MSI2: variants seen among roughly 807,000 people sequenced by gnomAD.
MSI2 encodes RNA-binding protein Musashi homolog 2.
A neutral mutation model predicts 45.6 loss-of-function variants in MSI2; 17 were observed. The observed-to-expected ratio is 0.37, with a 90% CI of 0.26 to 0.56. The LOEUF (loss-of-function observed/expected upper bound fraction) is 0.56, where lower values mean the gene tolerates loss of function less well. MSI2 is among the 20% of genes least tolerant of loss of function. The pLI, the probability that MSI2 is intolerant of heterozygous loss-of-function variation, is 0.77. For synonymous variants in MSI2, 156 were observed against 158.2 expected, an observed-to-expected ratio of 0.99 and a Z score of 0.11; for missense variants, 293 against 444.2, an observed-to-expected ratio of 0.66 and a Z score of 3.06.
intron 4 of MSI2, among the ~76,000 whole-genome samples, chr17:57,259,251 G>C (rs1311092838): frequency 2.0e-5 from 3 of 152,110 alleles, no homozygotes. Flanking sequence ...AGATGACATT[G>C]GGCTGTAGTG....
At chr17:57,592,012 A>G (rs1272581289) in intron 7 of MSI2, among the ~76,000 whole-genome samples, 1 of 151,932 alleles carries the variant, frequency 6.6e-6, no homozygotes, top group Non-Finnish European at 1.5e-5. Flanking sequence ...GTCTCTACTA[A>G]AAATACAAAA....
intron 7 of MSI2, among the ~76,000 whole-genome samples, chr17:57,541,724 A>G (rs998667528): frequency 9.2e-5 from 14 of 152,156 alleles, no homozygotes; most frequent in African/African-American, 3.4e-4. Flanking sequence ...TGCTTCTCTT[A>G]ATCCCCTGGT....
At chr17:57,340,839 A>G (rs1203588286) in intron 5 of MSI2, among the ~76,000 whole-genome samples, 1 of 152,136 alleles carries the variant, frequency 6.6e-6, no homozygotes, top group African/African-American at 2.4e-5. Context: ...AGCGCATCTG[A>G]GCCCAGCAGC....
intron 6 of MSI2, among the ~76,000 whole-genome samples, chr17:57,456,843 A>C (rs1198027573): frequency 6.6e-6 from 1 of 152,166 alleles, no homozygotes; most frequent in Non-Finnish European, 1.5e-5. Flanking sequence ...CAACCATTTA[A>C]GTATCCTTGG....
intron 5 of MSI2, among the ~76,000 whole-genome samples, chr17:57,310,712 C>G (rs1912324967): frequency 6.6e-6 from 1 of 152,132 alleles, no homozygotes; most frequent in Non-Finnish European, 1.5e-5. Flanking sequence ...TTCATTGGGC[C>G]TCAGTTTACC....
intron 7 of MSI2, among the ~76,000 whole-genome samples, chr17:57,563,924 G>A (rs1004965373): frequency 6.6e-6 from 1 of 152,112 alleles, no homozygotes; most frequent in African/African-American, 2.4e-5. Flanking sequence ...CCATTGTCTG[G>A]CCTGTTACAC....
chr17:57,615,849 A>T (rs1266178702), intron 8 of MSI2, 121 bp from the exon 9 acceptor site: 5 of 718,256 alleles, frequency 7.0e-6, no homozygotes, highest in Non-Finnish European at 1.2e-5. Flanking sequence ...CGGCATGGCT[A>T]TTTTTACAGT....
chr17:57,438,659 T>A (rs2084736434), intron 6 of MSI2, among the ~76,000 whole-genome samples: 1 of 152,072 alleles, frequency 6.6e-6, no homozygotes, highest in African/African-American at 2.4e-5. Flanking sequence ...CTCTAAGGAA[T>A]TTTTAAAAAT....
At chr17:57,590,658 C>T (rs542469628) in intron 7 of MSI2, among the ~76,000 whole-genome samples, 4 of 152,314 alleles carry the variant, frequency 2.6e-5, no homozygotes, top group African/African-American at 7.2e-5. Context: ...TTAGGGTTAA[C>T]CTTCCCACCA....
chr17:57,469,852 A>G (rs2085400123), intron 6 of MSI2, among the ~76,000 whole-genome samples: 2 of 152,180 alleles, frequency 1.3e-5, no homozygotes, highest in Admixed American at 1.3e-4. Flanking sequence ...TAGCCCTGGG[A>G]TAAAATCCAG....
At chr17:57,676,470 A>G (rs952610853) in intron 12 of MSI2, among the ~76,000 whole-genome samples, 3 of 152,198 alleles carry the variant, frequency 2.0e-5, no homozygotes, top group African/African-American at 7.2e-5. Flanking sequence ...GGGACCGTCT[A>G]TCACCACTTA....
rs1913282939 is a variant in MSI2, at chr17:57,677,066, C to A, written c.*31+7C>A. On this transcript the variant is annotated splice_region_variant and intron_variant, in intron 13 of 13. Transcript: ENST00000284073. ...GTTGCCATCTCACTCTGAGGTATTA[C>A]CGTCTCTGCCATGTGTCTCTGCCCT... The A allele has an allele frequency of 1.2e-6, 2 of 1,603,604 alleles. No individual in the cohort carries two copies. Among genetic ancestry groups the A allele is most frequent in the Admixed American group, 1.7e-5 (1 of 60,030 alleles).
chr17:57,495,202 G>T (rs76582755), intron 6 of MSI2, among the ~76,000 whole-genome samples: 1 of 152,198 alleles, frequency 6.6e-6, no homozygotes, highest in Admixed American at 6.5e-5. Context: ...TGTCCAAACC[G>T]GGTCAAGAAC....
At chr17:57,384,584 A>G (rs1193508003) in intron 5 of MSI2, among the ~76,000 whole-genome samples, 1 of 152,192 alleles carries the variant, frequency 6.6e-6, no homozygotes, top group Non-Finnish European at 1.5e-5. Context: ...AAGCTCCCTC[A>G]GACTCGAGGG....
intron 5 of MSI2, among the ~76,000 whole-genome samples, chr17:57,332,870 C>T (rs1019335115): frequency 5.3e-5 from 8 of 151,992 alleles, no homozygotes; most frequent in Non-Finnish European, 1.2e-4. Context: ...CTAAAAAGTA[C>T]AAAAATTAGC....
In MSI2 at chr17:57,627,653, CTA is replaced by C. The variant is rs930351988; in HGVS notation, c.727+351_727+352del. 14 of 333,964 alleles carry C rather than the reference CTA, an allele frequency of 4.2e-5. No individual in the cohort carries two copies. Among genetic ancestry groups the C allele is most frequent in the African/African-American group, 2.6e-4 (12 of 46,744 alleles). The allele number at this position is 333,964 out of a possible 1,614,324, so 20.7% of individuals were successfully genotyped here. A position where few individuals can be genotyped will look rare whatever the true frequency, so the allele number is the denominator to read the frequency against. ...TAGGCCCAGGGCTTTCTTTCACCCT[CTA>C]CCACCCCTTGCCCGCCTCCCCGCTC... On this transcript the variant is annotated intron_variant, in intron 10 of 13. Coordinates refer to ENST00000284073, the MANE Select transcript of MSI2 (RefSeq NM_138962.4). The surrounding 1 kb of genome is among the most constrained non-coding windows in gnomAD (Gnocchi z 4.6).
intron 5 of MSI2, chr17:57,285,890 A>G: frequency 6.5e-7 from 1 of 1,530,164 alleles, no homozygotes; most frequent in East Asian, 2.5e-5. Context: ...TTAGATGATG[A>G]GGGGTTATAT....
intron 11 of MSI2, among the ~76,000 whole-genome samples, chr17:57,669,863 C>T (rs907148441): frequency 2.6e-5 from 4 of 152,176 alleles, no homozygotes; most frequent in African/African-American, 9.7e-5. Context: ...GGAAGAGTCT[C>T]TCTCCCGGAA....
intron 11 of MSI2, among the ~76,000 whole-genome samples, chr17:57,655,533 A>C (rs1911533046): frequency 8.0e-6 from 1 of 125,700 alleles, no homozygotes; most frequent in African/African-American, 3.1e-5. Flanking sequence ...AGGACCCCTT[A>C]CTGTACTTTA....
Sources: gnomAD v4.1 joint callset for allele counts (sites outside exome capture counted in the v4.1 genomes callset) on GRCh38, gnomAD v4.1.1 for gene constraint, Gnocchi (gnomAD v3.1) non-coding constraint, MANE v1.5 for transcripts, NCBI Gene and HGNC (gene_info 2026-07-23, HGNC 2026-07-21) for gene names.